Variants in SYNE2 observed in about 807,000 individuals in gnomAD.
The protein encoded by SYNE2 is spectrin repeat containing nuclear envelope protein 2.
In SYNE2, 431 loss-of-function variants were observed where a neutral mutation model predicts 856.3. The observed-to-expected ratio is 0.50, with a 90% CI of 0.47 to 0.55. The LOEUF is 0.55. Ranked by LOEUF, SYNE2 falls within the 20% of genes least tolerant of loss-of-function variation. The pLI is 0.00. For missense variants in SYNE2, 8,129 were observed against 8,023.2 expected (o/e 1.01, Z -0.50); for synonymous variants, 2,923 against 2,872.3 (o/e 1.02, Z -0.56).
intron 45 of SYNE2, among the ~76,000 whole-genome samples, chr14:64,038,162 C>T (rs1405177117): frequency 1.3e-5 from 2 of 151,724 alleles, no homozygotes; most frequent in African/African-American, 4.8e-5. Context: ...ACATCCCAGA[C>T]GGGGCGGCGG....
chr14:63,765,438 C>T (rs563812812), intron 1 of SYNE2, among the ~76,000 whole-genome samples: 4 of 152,184 alleles, frequency 2.6e-5, no homozygotes, highest in Non-Finnish European at 4.4e-5. Context: ...CTGCAAGCTC[C>T]GCCTCCTGGG....
chr14:64,052,949 G>T lies in SYNE2; in HGVS notation c.9036G>T (p.Trp3012Cys). ...KKVFDYIGLN[W>C]DFSQLDQLQT... ...TGTTTGACTATATTGGACTAAACTG[G>T]GATTTTTCACAACTTGACCAATTAC... The change falls in exon 48 of 116, where the codon TGG becomes TGT. Residue 3012 changes from tryptophan (W) to cysteine (C), a missense_variant. Transcript: ENST00000555002. 6.2e-7 allele frequency: 1 copy of T among 1,610,644 alleles called. No individual in the cohort carries two copies. Among genetic ancestry groups the T allele is most frequent in the Non-Finnish European group, 8.5e-7 (1 of 1,179,246 alleles).
At chr14:63,966,871 C>CT (rs924914178) in intron 10 of SYNE2, among the ~76,000 whole-genome samples, 10 of 151,124 alleles carry the variant, frequency 6.6e-5, no homozygotes, top group East Asian at 2.0e-4. Flanking sequence ...GTTGATAACT[C>CT]TTTTTTTTGT....
chr14:64,090,518 T>A (rs2097602087), intron 59 of SYNE2, among the ~76,000 whole-genome samples: 1 of 152,204 alleles, frequency 6.6e-6, no homozygotes, highest in Admixed American at 6.5e-5. Flanking sequence ...TAGGTGTAGT[T>A]GCTACGAAAG....
Position 63,908,827 on chromosome 14 carries a change from T to C in SYNE2, c.-51-271T>C, listed in dbSNP as rs138318822. 3.6e-4 allele frequency among the ~76,000 whole-genome samples: 55 copies of C among 152,330 alleles called. 1 individual carries two copies. In the South Asian group the frequency reaches 6.6e-3, roughly 18 times the overall value. On this transcript the variant is annotated intron_variant, in intron 1 of 115. Coordinates refer to ENST00000555002, the MANE Select transcript of SYNE2 (RefSeq NM_182914.3). ...TACATCGAATTGCCTGGCCTTCCTT[T>C]TCACCACTGGTATAGAATCCACAAT... is the stretch of plus-strand genomic sequence containing the variant.
At chr14:64,197,610 T>A (rs2098545967) in intron 99 of SYNE2, among the ~76,000 whole-genome samples, 2 of 152,254 alleles carry the variant, frequency 1.3e-5, no homozygotes, top group African/African-American at 4.8e-5. Flanking sequence ...TAGTATTTTT[T>A]AAATTAGGCA....
chr14:64,225,639 C>A lies in SYNE2; in HGVS notation c.*113C>A. 8.4e-7 allele frequency: 1 copy of A among 1,189,204 alleles called. No homozygotes were observed. The highest frequency in any genetic ancestry group is 1.2e-6 in the Non-Finnish European group (1 of 816,928). The allele number at this position is 1,189,204 out of a possible 1,614,324, so 73.7% of individuals were successfully genotyped here. Reference sequence around the variant, plus strand: ...TGTTGGCAAGGTCCCGGGACCTGTGCAGACTTCTTCTGGGCTTACCCAGCA... The same window carrying A: ...TGTTGGCAAGGTCCCGGGACCTGTGAAGACTTCTTCTGGGCTTACCCAGCA... On this transcript the variant is annotated 3_prime_UTR_variant, in exon 116 of 116. Transcript: ENST00000555002.
rs1459071985 is a variant in SYNE2, at chr14:64,174,976, T to G, written c.17268T>G (p.Thr5756=). The change falls in exon 95 of 116, where the codon ACT becomes ACG. Residue 5756 remains threonine, a synonymous_variant. Coordinates refer to ENST00000555002, the MANE Select transcript of SYNE2 (RefSeq NM_182914.3). ...NKEIHFQRRR[T]TCALTLEAGE... is the part of the protein sequence containing the mutation. ...AAATTCATTTTCAAAGGAGGCGAACTACCTGTGCCCTAACCTTGGAAGCTG... is the reference window on the plus strand; with the variant it reads ...AAATTCATTTTCAAAGGAGGCGAACGACCTGTGCCCTAACCTTGGAAGCTG... 2 of 1,614,192 alleles carry G rather than the reference T, an allele frequency of 1.2e-6. No homozygotes were observed. The highest frequency in any genetic ancestry group is 1.7e-5 in the Admixed American group (1 of 60,014).
chr14:64,134,745 G>A (rs1239507410), intron 78 of SYNE2, among the ~76,000 whole-genome samples: 4 of 152,114 alleles, frequency 2.6e-5, no homozygotes, highest in Admixed American at 2.6e-4. Flanking sequence ...GGGAGGCCAA[G>A]GCAGGTGGAT....
At chr14:64,184,242 C>T (rs1460406742) in intron 96 of SYNE2, among the ~76,000 whole-genome samples, 1 of 152,062 alleles carries the variant, frequency 6.6e-6, no homozygotes, top group Non-Finnish European at 1.5e-5. Flanking sequence ...GTTCTGGGCA[C>T]TGAATCCGTG....
At chr14:64,209,039 C>A in intron 101 of SYNE2, 94 bp downstream of exon 101, 1 of 1,473,196 alleles carries the variant, frequency 6.8e-7, no homozygotes, top group Non-Finnish European at 9.2e-7. Flanking sequence ...CTGTTCATTT[C>A]ACTTAGAAAT....
In SYNE2 at chr14:64,051,808, T is replaced by C. The variant is rs1412313185; in HGVS notation, c.7895T>C (p.Met2632Thr). Residue 2632 changes from methionine to threonine, a missense_variant, in exon 48 of 116, where the codon ATG (methionine) becomes ACG (threonine). By Grantham distance (81) the Met-to-Thr change is moderately conservative (BLOSUM62 -1). Around this residue, in one of 3 missense-constraint regions of SYNE2, gnomAD observed 5,410 missense variants for 5,284.8 expected, o/e 1.02. Transcript: ENST00000555002. ...GAATATGATGAATTTACAACCCTCA[T>C]GAATAAGGTACAGGACACTGAGATT... ...VVEYDEFTTL[M>T]NKVQDTEISL... 1.9e-6 allele frequency: 3 copies of C among 1,614,146 alleles called. No individual in the cohort carries two copies. Among genetic ancestry groups the C allele is most frequent in the East Asian group, 2.2e-5 (1 of 44,882 alleles).
intron 50 of SYNE2, among the ~76,000 whole-genome samples, chr14:64,063,427 C>T (rs1567191141): frequency 6.6e-6 from 1 of 152,208 alleles, no homozygotes; most frequent in Non-Finnish European, 1.5e-5. Flanking sequence ...TAATCAGGTT[C>T]ACAGACAGTC....
chr14:64,223,342 C>T lies in SYNE2; in HGVS notation c.20344C>T (p.Gln6782Ter). 6.2e-7 allele frequency: 1 copy of T among 1,614,080 alleles called. No individual in the cohort carries two copies. The highest frequency in any genetic ancestry group is 2.2e-5 in the East Asian group (1 of 44,888). ...GAAGAAACTCAAACAGTTACGGGAG[C>T]AAGTGTCCCAAGATTTAATGGCCTT... ...IEKKLKQLRE[Q>*]VSQDLMALQG... Residue 6782 changes from glutamine (Q) to a stop codon, truncating the protein, a stop_gained, in exon 113 of 116, where the codon CAA becomes TAA. Coordinates refer to ENST00000555002, the MANE Select transcript of SYNE2 (RefSeq NM_182914.3). LOFTEE classifies it high-confidence loss of function.
At chr14:64,125,279 C>G in intron 71 of SYNE2, 69 bp downstream of exon 71, 1 of 1,601,740 alleles carries the variant, frequency 6.2e-7, no homozygotes, top group Non-Finnish European at 8.5e-7. Flanking sequence ...ATCATTGTGA[C>G]TTGGTCATAA....
chr14:63,947,577 T>C (rs1014796801), intron 6 of SYNE2, among the ~76,000 whole-genome samples: 1 of 152,054 alleles, frequency 6.6e-6, no homozygotes, highest in Non-Finnish European at 1.5e-5. Context: ...GGCTCATGCC[T>C]GTAATCCCAG....
chr14:64,007,294 G>A, intron 31 of SYNE2, 72 bp downstream of exon 31: 1 of 1,461,036 alleles, frequency 6.8e-7, no homozygotes, highest in Admixed American at 1.7e-5. Context: ...TCAAACTTCT[G>A]GGTTGAAAAC....
chr14:63,955,317 A>G (rs1217358704), intron 8 of SYNE2, among the ~76,000 whole-genome samples: 1 of 152,154 alleles, frequency 6.6e-6, no homozygotes, highest in Admixed American at 6.5e-5. Flanking sequence ...CCTCTGTGAG[A>G]ACAGAAACTG....
intron 96 of SYNE2, among the ~76,000 whole-genome samples, chr14:64,181,501 C>A (rs2098458018): frequency 6.6e-6 from 1 of 152,170 alleles, no homozygotes; most frequent in Non-Finnish European, 1.5e-5. Context: ...ATCTTTTCAG[C>A]TTTCACGGTC....
Sources: allele counts gnomAD v4.1 joint callset (sites outside exome capture counted in the v4.1 genomes callset), GRCh38; gene constraint gnomAD v4.1.1; regional missense constraint gnomAD v4.1.1; transcripts MANE v1.5; gene names NCBI Gene and HGNC (gene_info 2026-07-23, HGNC 2026-07-21).